The following TRANK1 variants were observed in gnomAD, a reference collection of about 807,000 sequenced individuals.
TRANK1 encodes the protein TPR and ankyrin repeat-containing protein 1.
TRANK1 carries 198 observed loss-of-function variants against 266.0 expected under a neutral mutation model. The observed-to-expected ratio is 0.74, with a 90% CI of 0.66 to 0.84. TRANK1 has a LOEUF of 0.84. TRANK1 is among the 40% of genes least tolerant of loss of function. The pLI, the probability that TRANK1 is intolerant of heterozygous loss-of-function variation, is 0.00. For missense variants in TRANK1, 3,326 were observed against 3,634.6 expected (o/e 0.92, Z 2.18); for synonymous variants, 1,396 against 1,384.1 (o/e 1.01, Z -0.19).
intron 1 of TRANK1, among the ~76,000 whole-genome samples, chr3:36,936,458 C>T (rs1451155890): frequency 6.6e-6 from 1 of 151,396 alleles, no homozygotes; most frequent in Non-Finnish European, 1.5e-5. Context: ...TGCACTCCAG[C>T]CTGGGTGACA....
chr3:36,889,685 A>G, intron 8 of TRANK1, 144 bp downstream of exon 8: 1 of 1,168,888 alleles, frequency 8.6e-7, no homozygotes, highest in Non-Finnish European at 1.1e-6. Flanking sequence ...CCACCCACCA[A>G]AATCAAGTTT....
intron 5 of TRANK1, among the ~76,000 whole-genome samples, chr3:36,895,417 A>G (rs1249820835): frequency 1.3e-5 from 2 of 152,232 alleles, no homozygotes; most frequent in Non-Finnish European, 2.9e-5. Flanking sequence ...CTTTGATGAC[A>G]GTGGAGACAC....
intron 10 of TRANK1, among the ~76,000 whole-genome samples, chr3:36,863,275 G>A (rs567870566): frequency 2.6e-5 from 4 of 152,266 alleles, no homozygotes; most frequent in Admixed American, 6.5e-5. Flanking sequence ...CATTCCCATC[G>A]AATGGGCTTT....
chr3:36,855,712 C>T lies in TRANK1; in HGVS notation c.4010G>A (p.Gly1337Glu). Reference protein sequence around the residue: ...KNEIWPKMTKGRTAYNPALIW... With the variant: ...KNEIWPKMTKERTAYNPALIW... ...CAGTGCAGGGTTGTAGGCAGTCCTCCCTTTGGTCATTTTGGGCCATATTTC... is the reference window on the plus strand; with the variant it reads ...CAGTGCAGGGTTGTAGGCAGTCCTCTCTTTGGTCATTTTGGGCCATATTTC... Residue 1337 changes from glycine to glutamate, a missense_variant, in exon 13 of 24, where the codon GGG (glycine) becomes GAG (glutamate). Coordinates refer to ENST00000645898, the MANE Select transcript of TRANK1 (RefSeq NM_001329998.2). 2 of 1,613,654 alleles carry T rather than the reference C, an allele frequency of 1.2e-6. No homozygotes were observed. Among genetic ancestry groups the T allele is most frequent in the Non-Finnish European group, 1.7e-6 (2 of 1,179,840 alleles).
intron 9 of TRANK1, among the ~76,000 whole-genome samples, chr3:36,870,962 TAAAAAAAAAAAA>T (rs563787088): frequency 4.6e-5 from 3 of 65,102 alleles, no homozygotes; most frequent in Non-Finnish European, 8.8e-5. Flanking sequence ...ACAAGGAAAC[TAAAAAAAAAAAA>T]AAAAAAAAAA....
chr3:36,836,611 G>A (rs2078773875), intron 20 of TRANK1, among the ~76,000 whole-genome samples: 1 of 152,234 alleles, frequency 6.6e-6, no homozygotes, highest in Non-Finnish European at 1.5e-5. Flanking sequence ...TTGTGAAGAA[G>A]AGGATAAACA....
chr3:36,944,122 G>A (rs997444909), intron 1 of TRANK1, among the ~76,000 whole-genome samples: 2 of 152,156 alleles, frequency 1.3e-5, no homozygotes, highest in African/African-American at 4.8e-5. Context: ...GCTCCGGTTC[G>A]GAAACGCTCC....
intron 2 of TRANK1, 70 bp downstream of exon 2, chr3:36,908,253 A>G (rs2080002173): frequency 7.3e-6 from 9 of 1,229,500 alleles, no homozygotes; most frequent in East Asian, 3.2e-5. Flanking sequence ...TAAGAAATGA[A>G]AAGAAATCAT....
chr3:36,879,789 A>AATATATAAATATATAAAT lies in TRANK1; in HGVS notation c.908-5494_908-5493insATTTATATATTTATATAT, dbSNP rs1559448729. On this transcript the variant is annotated intron_variant, in intron 8 of 23. Transcript: ENST00000645898. ...ATATATAAATATATATAAATATGTAAATATATAAATATACAAATATATGTA... is the reference window on the plus strand; with the variant it reads ...ATATATAAATATATATAAATATGTAAATATATAAATATATAAATATATATAAATATACAAATATATGTA... 2.2e-3 allele frequency among the ~76,000 whole-genome samples: 150 copies of AATATATAAATATATAAAT among 67,396 alleles called. 34 individuals carry two copies. The highest frequency in any genetic ancestry group is 5.1e-3 in the Admixed American group (29 of 5,684). 44.2% of individuals were successfully genotyped at this position (67,396 alleles called of 152,430 possible). A position where few individuals can be genotyped will look rare whatever the true frequency, so the allele number is the denominator to read the frequency against.
At chr3:36,911,070 G>GA (rs777387211) in intron 1 of TRANK1, among the ~76,000 whole-genome samples, 44 of 144,770 alleles carry the variant, frequency 3.0e-4, no homozygotes, top group Admixed American at 7.6e-4. Flanking sequence ...ACTCCATCTG[G>GA]AAAAAAAAAA....
chr3:36,876,089 C>T (rs1406220621), intron 8 of TRANK1, among the ~76,000 whole-genome samples: 2 of 152,212 alleles, frequency 1.3e-5, no homozygotes, highest in East Asian at 1.9e-4. Context: ...TTGAAAACCA[C>T]CAACAAATAA....
intron 1 of TRANK1, among the ~76,000 whole-genome samples, chr3:36,918,690 G>A (rs996214478): frequency 7.6e-5 from 11 of 144,050 alleles, no homozygotes; most frequent in African/African-American, 2.8e-4. Flanking sequence ...AGAAAGAAAC[G>A]CCAATGTAAA....
Position 36,874,139 on chromosome 3 carries a change from A to G in TRANK1, c.1065T>C (p.Ser355=), listed in dbSNP as rs1332321380. ...NSHLEKLATC[S]KDLSGFSNGD... ...TGGAAGCTGTACCTGATAGGTCCTT[A>G]GAACACGTAGCTAGCTTTTCTAAGT... The change falls in exon 9 of 24, where the codon TCT becomes TCC. Residue 355 remains serine (S), a synonymous_variant. Coordinates refer to ENST00000645898, the MANE Select transcript of TRANK1 (RefSeq NM_001329998.2). The G allele has an allele frequency of 3.3e-6, 5 of 1,537,234 alleles. No homozygotes were observed. The highest frequency in any genetic ancestry group is 4.4e-6 in the Non-Finnish European group (5 of 1,146,804).
intron 17 of TRANK1, among the ~76,000 whole-genome samples, chr3:36,843,745 G>A (rs1234725806): frequency 3.3e-5 from 5 of 152,282 alleles, no homozygotes; most frequent in Non-Finnish European, 5.9e-5. Flanking sequence ...TAGGCCAATG[G>A]ATATCAACAG....
At chr3:36,939,601 T>C (rs2080469433) in intron 1 of TRANK1, among the ~76,000 whole-genome samples, 1 of 152,196 alleles carries the variant, frequency 6.6e-6, no homozygotes, top group African/African-American at 2.4e-5. Context: ...ATCACATACA[T>C]GACTGGACTC....
chr3:36,918,536 AAGGAAGGAAGGAAGGAAGGAAGGAAGGT>A lies in TRANK1; in HGVS notation c.24-10110_24-10083del, dbSNP rs1282136946. On this transcript the variant is annotated intron_variant, in intron 1 of 23. Coordinates refer to ENST00000645898, the MANE Select transcript of TRANK1 (RefSeq NM_001329998.2). The stretch of plus-strand genomic sequence containing the variant: ...GAAAGAAAGAAAGAAAGAAAGAAGG[AAGGAAGGAAGGAAGGAAGGAAGGAAGGT>A]AGGAAGGAAGGAAGGAAGGAAGGAA... Among the ~76,000 whole-genome samples the A allele has an allele frequency of 2.0e-3, 91 of 46,012 alleles. 3 individuals carry two copies. Among genetic ancestry groups the A allele is most frequent in the African/African-American group, 3.5e-3 (42 of 12,134 alleles). The allele number at this position is 46,012 out of a possible 152,430, so 30.2% of individuals were successfully genotyped here. A position where few individuals can be genotyped will look rare whatever the true frequency, so the allele number is the denominator to read the frequency against.
chr3:36,894,138 T>C (rs1200962451), intron 5 of TRANK1, among the ~76,000 whole-genome samples: 2 of 152,250 alleles, frequency 1.3e-5, no homozygotes, highest in Non-Finnish European at 2.9e-5. Context: ...ATGTTGGACC[T>C]GCCACTTGGG....
intron 1 of TRANK1, among the ~76,000 whole-genome samples, chr3:36,921,929 C>G (rs11129743): frequency 6.6e-6 from 1 of 151,932 alleles, no homozygotes; most frequent in Non-Finnish European, 1.5e-5. Context: ...ATTGCTTGAG[C>G]TTAGGAATTC....
At chr3:36,876,059 G>A (rs1056251833) in intron 8 of TRANK1, among the ~76,000 whole-genome samples, 1 of 152,164 alleles carries the variant, frequency 6.6e-6, no homozygotes, top group Non-Finnish European at 1.5e-5. Flanking sequence ...ATTCTTTAAG[G>A]GGGGATAAGG....
Sources: gnomAD v4.1 joint callset for allele counts (sites outside exome capture counted in the v4.1 genomes callset) on GRCh38, gnomAD v4.1.1 for gene constraint, MANE v1.5 for transcripts, NCBI Gene and HGNC (gene_info 2026-07-23, HGNC 2026-07-21) for gene names.